The following TSHB variants were observed in gnomAD, a reference collection of about 807,000 sequenced individuals.
TSHB encodes thyrotropin subunit beta.
In TSHB, 9 loss-of-function variants were observed where a neutral mutation model predicts 9.3. The ratio of observed to expected loss-of-function variants is 0.97; its 90% CI spans 0.58 to 1.69. TSHB has a LOEUF of 1.69. TSHB is among the 40% of genes most tolerant of loss of function. The pLI is 0.00. For missense variants in TSHB, 182 were observed against 168.5 expected (o/e 1.08, Z -0.44); for synonymous variants, 57 against 57.2 (o/e 1.00, Z 0.01).
chr1:115,032,016 C>T (rs958611798), intron 1 of TSHB, among the ~76,000 whole-genome samples: 1 of 151,954 alleles, frequency 6.6e-6, no homozygotes, highest in Non-Finnish European at 1.5e-5. Context: ...TTAATTTGGA[C>T]TCTTTCAGAG....
intron 1 of TSHB, among the ~76,000 whole-genome samples, chr1:115,032,388 T>C (rs967182283): frequency 1.3e-5 from 2 of 152,076 alleles, no homozygotes; most frequent in Non-Finnish European, 2.9e-5. Context: ...GCTGTTGGGA[T>C]ATAACTGACA....
intron 1 of TSHB, among the ~76,000 whole-genome samples, chr1:115,031,468 A>G (rs1557869570): frequency 6.6e-6 from 1 of 152,022 alleles, no homozygotes; most frequent in Non-Finnish European, 1.5e-5. Context: ...AGATTTATGG[A>G]AGAATTCTGT....
chr1:115,032,091 C>T (rs1280312663), intron 1 of TSHB, among the ~76,000 whole-genome samples: 2 of 151,906 alleles, frequency 1.3e-5, no homozygotes, highest in African/African-American at 4.8e-5. Flanking sequence ...ACAGTCAGCC[C>T]TTTAGGTAAA....
intron 1 of TSHB, among the ~76,000 whole-genome samples, chr1:115,031,319 A>G (rs1296219797): frequency 6.6e-6 from 1 of 152,046 alleles, no homozygotes; most frequent in Non-Finnish European, 1.5e-5. Flanking sequence ...TAGAGTATCC[A>G]TAGTTAGTAT....
At chr1:115,032,866 A>G (rs925897870) in intron 1 of TSHB, among the ~76,000 whole-genome samples, 2 of 152,032 alleles carry the variant, frequency 1.3e-5, no homozygotes, top group Non-Finnish European at 2.9e-5. Context: ...CGCAGGCTCT[A>G]TTGAGATGCA....
intron 1 of TSHB, among the ~76,000 whole-genome samples, chr1:115,030,085 G>C (rs1223288722): frequency 6.6e-6 from 1 of 152,004 alleles, no homozygotes. Flanking sequence ...CTTAAAGAAA[G>C]AGAAACAACT....
chr1:115,031,735 C>A (rs927156144), intron 1 of TSHB, among the ~76,000 whole-genome samples: 1 of 151,932 alleles, frequency 6.6e-6, no homozygotes, highest in Non-Finnish European at 1.5e-5. Flanking sequence ...CAACTCTGTA[C>A]CATAGAGGGA....
Position 115,034,231 on chromosome 1 carries a change from T to C in TSHB, c.*4T>C. ...TCTGGTAGGATTTTCTGTCTAATAG[T>C]GATATAATTTGCAATTTGGTTAAAT... On this transcript the variant is annotated 3_prime_UTR_variant, in exon 3 of 3. Transcript: ENST00000256592. 6.2e-7 allele frequency: 1 copy of C among 1,613,576 alleles called. No homozygotes were observed. The highest frequency in any genetic ancestry group is 8.5e-7 in the Non-Finnish European group (1 of 1,179,628).
At position 115,033,505 on chromosome 1, in the gene TSHB, C is replaced by G; in HGVS notation, c.143C>G (p.Ala48Gly). ...YCLTINTTIC[A>G]GYCMTRDING... ...CTAACCATCAACACCACCATCTGTG[C>G]TGGATATTGTATGACACGGGTATGT... The change falls in exon 2 of 3, where the codon GCT becomes GGT. Residue 48 changes from alanine (A) to glycine (G), a missense_variant. By Grantham distance (60) the Ala-to-Gly change is moderately conservative. Transcript: ENST00000256592. 1 of 1,613,168 alleles carries G rather than the reference C, an allele frequency of 6.2e-7. No homozygotes were observed. Among genetic ancestry groups the G allele is most frequent in the East Asian group, 2.2e-5 (1 of 44,860 alleles).
intron 1 of TSHB, among the ~76,000 whole-genome samples, chr1:115,031,064 C>T (rs546039838): frequency 2.4e-4 from 37 of 152,000 alleles, no homozygotes; most frequent in Middle Eastern, 3.4e-3. Flanking sequence ...ATTTGTGCTG[C>T]GAAGATTTTC....
chr1:115,033,517 T>C lies in TSHB; in HGVS notation c.155T>C (p.Met52Thr). 6.2e-7 allele frequency: 1 copy of C among 1,613,056 alleles called. No homozygotes were observed. Among genetic ancestry groups the C allele is most frequent in the Non-Finnish European group, 8.5e-7 (1 of 1,179,096 alleles). Residue 52 changes from methionine (M) to threonine (T), a missense_variant, in exon 2 of 3, where the codon ATG (methionine) becomes ACG (threonine). By Grantham distance (81) the Met-to-Thr change is moderately conservative. Coordinates refer to ENST00000256592, the MANE Select transcript of TSHB (RefSeq NM_000549.5). ...INTTICAGYCMTRDINGKLFL... is the reference protein window; with the variant it reads ...INTTICAGYCTTRDINGKLFL... ...ACCACCATCTGTGCTGGATATTGTATGACACGGGTATGTAGTTCATGTCAC... is the reference window on the plus strand; with the variant it reads ...ACCACCATCTGTGCTGGATATTGTACGACACGGGTATGTAGTTCATGTCAC...
At chr1:115,031,841 T>A (rs1674900600) in intron 1 of TSHB, among the ~76,000 whole-genome samples, 1 of 152,064 alleles carries the variant, frequency 6.6e-6, no homozygotes, top group African/African-American at 2.4e-5. Context: ...AAACCTTCCG[T>A]GGAATGTTTG....
intron 1 of TSHB, among the ~76,000 whole-genome samples, chr1:115,033,159 G>A (rs753638382): frequency 1.3e-5 from 2 of 152,010 alleles, no homozygotes; most frequent in Non-Finnish European, 2.9e-5. Context: ...CTAGATTTCT[G>A]AGTTAGCCCC....
intron 1 of TSHB, among the ~76,000 whole-genome samples, chr1:115,031,331 A>G (rs1396524041): frequency 3.3e-5 from 5 of 152,022 alleles, no homozygotes; most frequent in Non-Finnish European, 7.4e-5. Flanking sequence ...AGTTAGTATG[A>G]CAATAGGAAA....
chr1:115,033,349 A>G lies in TSHB; in HGVS notation c.-1-13A>G. ...TTTAACAAATAGGTTCTTTAATTTT[A>G]TCTTTGATTTAGCATGACTGCTCTC... On this transcript the variant is annotated splice_polypyrimidine_tract_variant and intron_variant, in intron 1 of 2. Coordinates refer to ENST00000256592, the MANE Select transcript of TSHB (RefSeq NM_000549.5). 1.2e-6 allele frequency: 2 copies of G among 1,612,780 alleles called. No individual in the cohort carries two copies. The highest frequency in any genetic ancestry group is 2.2e-5 in the East Asian group (1 of 44,852).
At chr1:115,033,100 C>A (rs1674931386) in intron 1 of TSHB, among the ~76,000 whole-genome samples, 1 of 149,934 alleles carries the variant, frequency 6.7e-6, no homozygotes, top group African/African-American at 2.5e-5. Flanking sequence ...GTACATATTT[C>A]CACCTTAAAG....
chr1:115,033,861 C>A (rs28566771), intron 2 of TSHB, 112 bp from the exon 3 acceptor site: 55 of 1,461,228 alleles, frequency 3.8e-5, no homozygotes, highest in Non-Finnish European at 4.3e-5. Flanking sequence ...CAATTCTTTC[C>A]CAGTTGTATT....
At chr1:115,031,218 T>C (rs1310468282) in intron 1 of TSHB, among the ~76,000 whole-genome samples, 1 of 152,060 alleles carries the variant, frequency 6.6e-6, no homozygotes, top group Admixed American at 6.6e-5. Flanking sequence ...CACAAAGTTG[T>C]ACAGATACTG....
intron 1 of TSHB, among the ~76,000 whole-genome samples, chr1:115,031,808 G>T (rs1198426142): frequency 6.6e-6 from 1 of 151,918 alleles, no homozygotes; most frequent in East Asian, 1.9e-4. Context: ...GTATGTTTTT[G>T]CTCCTTAACT....
Sources: allele counts gnomAD v4.1 joint callset (sites outside exome capture counted in the v4.1 genomes callset), GRCh38; gene constraint gnomAD v4.1.1; transcripts MANE v1.5; gene names NCBI Gene and HGNC (gene_info 2026-07-23, HGNC 2026-07-21).